TRPC6: variants seen among roughly 807,000 people sequenced by gnomAD.
The protein encoded by TRPC6 is transient receptor potential cation channel subfamily C member 6.
Under a neutral mutation model 90.7 loss-of-function variants are expected in TRPC6, and 55 were observed. That is an observed-to-expected ratio of 0.61 (90% CI 0.49 to 0.76). The LOEUF (loss-of-function observed/expected upper bound fraction) is 0.76. TRPC6 is among the 30% of genes least tolerant of loss of function. The probability of loss-of-function intolerance (pLI) is 0.00; values close to 1 mark genes in which losing one functional copy is unlikely to be tolerated. For missense variants in TRPC6, 989 were observed against 1,122.7 expected (o/e 0.88, Z 1.70); for synonymous variants, 393 against 393.0 (o/e 1.00, Z 0.00).
chr11:101,555,735 G>C (rs1861547954), intron 1 of TRPC6, among the ~76,000 whole-genome samples: 1 of 152,102 alleles, frequency 6.6e-6, no homozygotes, highest in South Asian at 2.1e-4. Flanking sequence ...ATGAGAACTA[G>C]TCATTTTTTT....
chr11:101,529,043 G>C (rs949127757), intron 1 of TRPC6, among the ~76,000 whole-genome samples: 30 of 152,024 alleles, frequency 2.0e-4, no homozygotes, highest in African/African-American at 7.0e-4. Flanking sequence ...AATGTGAGTT[G>C]AAAGTAAGAA....
chr11:101,503,975 C>T (rs1860193086), intron 2 of TRPC6, 49 bp downstream of exon 2: 2 of 1,612,452 alleles, frequency 1.2e-6, no homozygotes, highest in Non-Finnish European at 1.7e-6. Flanking sequence ...GGTAAATACA[C>T]CTTGACTCTG....
intron 2 of TRPC6, among the ~76,000 whole-genome samples, chr11:101,497,454 C>A (rs10791480): frequency 5.9e-5 from 9 of 152,060 alleles, no homozygotes; most frequent in African/African-American, 1.9e-4. Context: ...GAAACAATGC[C>A]AAGCATTTTT....
chr11:101,519,367 GATAA>G (rs1467588719), intron 1 of TRPC6, among the ~76,000 whole-genome samples: 3 of 151,958 alleles, frequency 2.0e-5, no homozygotes, highest in East Asian at 3.9e-4. Flanking sequence ...AATCAAATAA[GATAA>G]ATAAAGCAAC....
chr11:101,560,337 G>C (rs2136864733), intron 1 of TRPC6, among the ~76,000 whole-genome samples: 1 of 151,540 alleles, frequency 6.6e-6, no homozygotes, highest in South Asian at 2.1e-4. Flanking sequence ...CAAGCCTCTA[G>C]AGCCTCCAGG....
In TRPC6 at chr11:101,583,404, T is replaced by G; in HGVS notation, c.100A>C (p.Met34Leu). ...RRNESQDYLL[M>L]DSELGEDGCP... ...CCGTCTTCTCCCAGCTCCGAGTCCA[T>G]GAGCAGATAGTCCTGGCTCTCGTTG... is the stretch of plus-strand genomic sequence containing the variant. Residue 34 changes from methionine to leucine, a missense_variant, in exon 1 of 13, where the codon ATG (methionine) becomes CTG (leucine). Met to Leu is a conservative substitution (Grantham distance 15). Transcript: ENST00000344327. 6.3e-7 allele frequency: 1 copy of G among 1,586,438 alleles called. No homozygotes were observed. Among genetic ancestry groups the G allele is most frequent in the Non-Finnish European group, 8.6e-7 (1 of 1,166,228 alleles).
intron 7 of TRPC6, among the ~76,000 whole-genome samples, chr11:101,473,149 G>A (rs539729278): frequency 6.6e-6 from 1 of 152,088 alleles, no homozygotes; most frequent in Admixed American, 6.6e-5. Flanking sequence ...TAGAGCAACA[G>A]ACCCTAGAGT....
intron 1 of TRPC6, among the ~76,000 whole-genome samples, chr11:101,546,473 T>C (rs1861310561): frequency 6.6e-6 from 1 of 152,180 alleles, no homozygotes; most frequent in Non-Finnish European, 1.5e-5. Flanking sequence ...AGTGAATAAA[T>C]ACATGCATAA....
rs527522937 is a variant in TRPC6 at position 101,467,322 on chromosome 11, G to A, written c.2484+2105C>T. ...TAGTATTATTTCTCTGTCCTCACTG[G>A]ATTAATATCACTACCAAATTATGTA... On this transcript the variant is annotated intron_variant, in intron 10 of 12. Transcript: ENST00000344327. Among the ~76,000 whole-genome samples the A allele has an allele frequency of 3.3e-5, 5 of 151,908 alleles. No homozygotes were observed. In the South Asian group the frequency reaches 1.0e-3, roughly 32 times the overall value.
At chr11:101,558,961 A>T (rs1861649885) in intron 1 of TRPC6, among the ~76,000 whole-genome samples, 2 of 152,140 alleles carry the variant, frequency 1.3e-5, no homozygotes, top group Admixed American at 1.3e-4. Flanking sequence ...GATCTAGGCA[A>T]TGTTTTTTTT....
rs190883776 is a variant in TRPC6, at chr11:101,453,238, T to A, written c.2645-132A>T. On this transcript the variant is annotated intron_variant, in intron 12 of 12. Coordinates refer to ENST00000344327, the MANE Select transcript of TRPC6 (RefSeq NM_004621.6). ...TTTGAATCCTTTGAAAGGAAATAACTTCCTAATTGAGCAGGTTTTTGTTTT... is the reference window on the plus strand; with the variant it reads ...TTTGAATCCTTTGAAAGGAAATAACATCCTAATTGAGCAGGTTTTTGTTTT... 2.0e-4 allele frequency: 184 copies of A among 916,402 alleles called. No homozygotes were observed. In the African/African-American group the frequency reaches 2.8e-3, roughly 14 times the overall value. The allele number at this position is 916,402 out of a possible 1,614,324, so 56.8% of individuals were successfully genotyped here. A position where few individuals can be genotyped will look rare whatever the true frequency, so the allele number is the denominator to read the frequency against.
intron 10 of TRPC6, among the ~76,000 whole-genome samples, chr11:101,459,219 G>T (rs1460873463): frequency 2.0e-5 from 3 of 152,172 alleles, no homozygotes; most frequent in Non-Finnish European, 4.4e-5. Flanking sequence ...ATGTACCCAG[G>T]ATTATACCTA....
At chr11:101,456,037 A>G (rs1038206279) in intron 10 of TRPC6, among the ~76,000 whole-genome samples, 2 of 150,806 alleles carry the variant, frequency 1.3e-5, no homozygotes, top group Non-Finnish European at 1.5e-5. Context: ...TCATGTATCT[A>G]TTATTTCCTT....
At chr11:101,487,195 A>G (rs924111587) in intron 4 of TRPC6, among the ~76,000 whole-genome samples, 3 of 152,128 alleles carry the variant, frequency 2.0e-5, no homozygotes, top group African/African-American at 4.8e-5. Flanking sequence ...GAAAAGGAAA[A>G]TTATTCAGTT....
At chr11:101,489,803 C>T (rs1361782387) in intron 3 of TRPC6, among the ~76,000 whole-genome samples, 1 of 151,924 alleles carries the variant, frequency 6.6e-6, no homozygotes. Context: ...TTACAAAGGA[C>T]AGGTTATATA....
intron 1 of TRPC6, among the ~76,000 whole-genome samples, chr11:101,559,772 T>C (rs1444813322): frequency 6.9e-6 from 1 of 144,864 alleles, no homozygotes; most frequent in Non-Finnish European, 1.5e-5. Context: ...CTCCTAATGC[T>C]ATCCCTCCCC....
chr11:101,477,382 C>A (rs1250946269), intron 5 of TRPC6, among the ~76,000 whole-genome samples: 2 of 151,834 alleles, frequency 1.3e-5, no homozygotes, highest in Admixed American at 6.6e-5. Context: ...TCTTGGAGGA[C>A]CCGGACTAAC....
chr11:101,462,954 A>G (rs1859040876), intron 10 of TRPC6, among the ~76,000 whole-genome samples: 1 of 152,152 alleles, frequency 6.6e-6, no homozygotes, highest in Non-Finnish European at 1.5e-5. Context: ...TTTGTCATGA[A>G]TAGCTCTTAT....
At chr11:101,480,264 T>A (rs886903974) in intron 5 of TRPC6, among the ~76,000 whole-genome samples, 1 of 152,144 alleles carries the variant, frequency 6.6e-6, no homozygotes, top group African/African-American at 2.4e-5. Flanking sequence ...ACATGTTATA[T>A]AAAATATAAC....
Sources: gnomAD v4.1 joint callset for allele counts (sites outside exome capture counted in the v4.1 genomes callset) on GRCh38, gnomAD v4.1.1 for gene constraint, MANE v1.5 for transcripts, NCBI Gene and HGNC (gene_info 2026-07-23, HGNC 2026-07-21) for gene names.